The following LSM14A variants were observed in gnomAD, a reference collection of about 807,000 sequenced individuals.
LSM14A encodes LSM14A mRNA processing body assembly factor, also known as protein LSM14 homolog A.
Under a neutral mutation model 52.4 loss-of-function variants are expected in LSM14A, and 14 were observed. The ratio of observed to expected loss-of-function variants is 0.27; its 90% CI spans 0.18 to 0.42. The LOEUF (loss-of-function observed/expected upper bound fraction) is 0.42, where lower values mean the gene tolerates loss of function less well. Ranked by LOEUF, LSM14A falls within the 10% of genes least tolerant of loss-of-function variation. The pLI, the probability that LSM14A is intolerant of heterozygous loss-of-function variation, is 1.00. For missense variants in LSM14A, 417 were observed against 581.8 expected, an observed-to-expected ratio of 0.72 and a Z score of 2.91; for synonymous variants, 185 against 200.3, an observed-to-expected ratio of 0.92 and a Z score of 0.64.
intron 3 of LSM14A, among the ~76,000 whole-genome samples, chr19:34,199,050 T>G (rs2071092541): frequency 6.6e-6 from 1 of 152,176 alleles, no homozygotes; most frequent in Non-Finnish European, 1.5e-5. Context: ...ACACTCTTAG[T>G]AGGATATATT....
rs569450025 is a variant in LSM14A at position 34,226,372 on chromosome 19, T to C, written c.1369-993T>C. The stretch of plus-strand genomic sequence containing the variant: ...TCTCCCTCTCCTGTCCCCATCTCTT[T>C]CTCTTTTTTTTTTTTTTTTTTTTTT... On this transcript the variant is annotated intron_variant, in intron 9 of 9. Transcript: ENST00000544216. 36 of 1,424,490 alleles carry C rather than the reference T, an allele frequency of 2.5e-5. No homozygotes were observed. In the East Asian group the frequency reaches 2.8e-4, roughly 11 times the overall value. 88.2% of individuals were successfully genotyped at this position (1,424,490 alleles called of 1,614,324 possible).
chr19:34,223,651 C>T (rs951690410), intron 9 of LSM14A, among the ~76,000 whole-genome samples: 23 of 152,238 alleles, frequency 1.5e-4, no homozygotes, highest in Non-Finnish European at 4.4e-5. Flanking sequence ...ACCAGTTGGG[C>T]TTCAGACCTT....
chr19:34,217,614 CCCGTGT>C (rs1361344528), intron 6 of LSM14A, among the ~76,000 whole-genome samples: 2 of 45,760 alleles, frequency 4.4e-5, no homozygotes, highest in Non-Finnish European at 4.3e-5. Flanking sequence ...ATCCCCCCCC[CCCGTGT>C]TTTTTTTTTT....
chr19:34,203,788 G>C (rs185127060), intron 3 of LSM14A, among the ~76,000 whole-genome samples: 15 of 136,430 alleles, frequency 1.1e-4, no homozygotes, highest in Non-Finnish European at 1.9e-4. Flanking sequence ...GAGCAACAGA[G>C]CGAGACCCTG....
Position 34,172,618 on chromosome 19 carries a change from A to G in LSM14A, c.-25A>G. ...GCGTGGGATCTGCCTCTCTGCGAGCAGCTGGGAGCGGCGGCGGCGGCGCCA... is the reference window on the plus strand; with the variant it reads ...GCGTGGGATCTGCCTCTCTGCGAGCGGCTGGGAGCGGCGGCGGCGGCGCCA... On this transcript the variant is annotated 5_prime_UTR_variant, in exon 1 of 10. Coordinates refer to ENST00000544216, the MANE Select transcript of LSM14A (RefSeq NM_015578.4). 1 of 1,548,106 alleles carries G rather than the reference A, an allele frequency of 6.5e-7. No homozygotes were observed. The highest frequency in any genetic ancestry group is 1.2e-5 in the South Asian group (1 of 84,072).
rs117245698 is a variant in LSM14A at position 34,222,819 on chromosome 19, C to T, written c.1368+1081C>T. On this transcript the variant is annotated intron_variant, in intron 9 of 9. Transcript: ENST00000544216. ...GCGGGACTTCTGACTTGCAAAATCA[C>T]CTTCCCAGCTAGGAGAATCTGTCTT... Among the ~76,000 whole-genome samples the T allele has an allele frequency of 8.0e-3, 1,220 of 152,304 alleles. 7 individuals are homozygous for T. Among genetic ancestry groups the T allele is most frequent in the Non-Finnish European group, 0.011 (752 of 68,024 alleles).
chr19:34,177,806 G>T (rs547081814), intron 1 of LSM14A, among the ~76,000 whole-genome samples: 1 of 152,228 alleles, frequency 6.6e-6, no homozygotes, highest in African/African-American at 2.4e-5. Context: ...TGAGGCAGGG[G>T]GATTGCTTGA....
intron 1 of LSM14A, among the ~76,000 whole-genome samples, chr19:34,173,078 C>T (rs1013249097): frequency 7.2e-5 from 11 of 152,240 alleles, no homozygotes; most frequent in African/African-American, 2.7e-4. Flanking sequence ...AAATTCGGGG[C>T]TTCTGCCGTC....
intron 4 of LSM14A, 54 bp downstream of exon 4, chr19:34,209,105 T>C: frequency 3.4e-6 from 5 of 1,463,428 alleles, no homozygotes; most frequent in Non-Finnish European, 4.6e-6. Context: ...TAGTGGTTTT[T>C]GTCTTTCTGA....
At chr19:34,204,354 T>G (rs1405177993) in intron 3 of LSM14A, among the ~76,000 whole-genome samples, 4 of 152,164 alleles carry the variant, frequency 2.6e-5, no homozygotes, top group African/African-American at 9.7e-5. Flanking sequence ...TAATTTGGTA[T>G]CAAGTAAACT....
chr19:34,213,365 T>G (rs2072313629), intron 4 of LSM14A, among the ~76,000 whole-genome samples: 2 of 152,182 alleles, frequency 1.3e-5, no homozygotes, highest in Admixed American at 1.3e-4. Context: ...TGGCTAACTT[T>G]GCCATTAATG....
At chr19:34,221,120 T>TCAC (rs2073031547) in intron 8 of LSM14A, among the ~76,000 whole-genome samples, 1 of 149,736 alleles carries the variant, frequency 6.7e-6, no homozygotes, top group African/African-American at 2.5e-5. Context: ...TTCGCTCTTG[T>TCAC]CACCCAGACT....
At chr19:34,210,417 G>A (rs1425991499) in intron 4 of LSM14A, among the ~76,000 whole-genome samples, 1 of 151,860 alleles carries the variant, frequency 6.6e-6, no homozygotes, top group Non-Finnish European at 1.5e-5. Flanking sequence ...TTACAGGCAC[G>A]TGCCACCACG....
At chr19:34,219,325 C>T in intron 6 of LSM14A, 66 bp from the exon 7 acceptor site, 1 of 1,063,480 alleles carries the variant, frequency 9.4e-7, no homozygotes, top group Non-Finnish European at 1.4e-6. Context: ...AGCACAATAG[C>T]AACATCTGTG....
chr19:34,226,364 CATCT>C (rs2145914576), intron 9 of LSM14A: 3 of 1,445,084 alleles, frequency 2.1e-6, no homozygotes, highest in Non-Finnish European at 1.8e-6. Flanking sequence ...CTCCTGTCCC[CATCT>C]CTTTCTCTTT....
chr19:34,199,955 A>G (rs1009049907), intron 3 of LSM14A, among the ~76,000 whole-genome samples: 5 of 152,222 alleles, frequency 3.3e-5, no homozygotes, highest in Admixed American at 1.3e-4. Flanking sequence ...ACAAAGGGGG[A>G]AAAATGTACC....
rs114848850 is a variant in LSM14A, at chr19:34,187,014, C to T, written c.122-7464C>T. ...CAACTCTTTGGGAGTCCAAGGCGGG[C>T]AGATCATAAGGTCAGGAGATCGAGA... On this transcript the variant is annotated intron_variant, in intron 1 of 9. Coordinates refer to ENST00000544216, the MANE Select transcript of LSM14A (RefSeq NM_015578.4). Among the ~76,000 whole-genome samples, 623 of 151,326 alleles carry T rather than the reference C, an allele frequency of 4.1e-3. 6 individuals carry two copies. Among genetic ancestry groups the T allele is most frequent in the African/African-American group, 0.014 (590 of 41,204 alleles).
intron 3 of LSM14A, among the ~76,000 whole-genome samples, chr19:34,202,520 A>G (rs1014289525): frequency 2.6e-5 from 4 of 151,928 alleles, no homozygotes; most frequent in Admixed American, 1.3e-4. Flanking sequence ...TCTTGCTTAT[A>G]GTGAAAAACA....
intron 1 of LSM14A, among the ~76,000 whole-genome samples, chr19:34,181,082 C>G (rs539041650): frequency 3.4e-4 from 52 of 152,150 alleles, no homozygotes; most frequent in Non-Finnish European, 6.2e-4. Flanking sequence ...CCCCAGACTT[C>G]TATGTTTTTT....
Sources: allele counts gnomAD v4.1 joint callset (sites outside exome capture counted in the v4.1 genomes callset), GRCh38; gene constraint gnomAD v4.1.1; transcripts MANE v1.5; gene names NCBI Gene and HGNC (gene_info 2026-07-23, HGNC 2026-07-21).